The following OPCML variants were observed in gnomAD, a reference collection of about 807,000 sequenced individuals.
OPCML encodes the protein opioid binding protein/cell adhesion molecule like, also known as opioid-binding protein/cell adhesion molecule.
OPCML carries 13 observed loss-of-function variants against 37.8 expected under a neutral mutation model. The observed-to-expected ratio is 0.34, with a 90% CI of 0.22 to 0.55. OPCML has a LOEUF of 0.55. Among genes scored for constraint, OPCML ranks in the 20% least tolerant of loss-of-function variants. The probability of loss-of-function intolerance (pLI) is 0.91; values close to 1 mark genes in which losing one functional copy is unlikely to be tolerated. For missense variants in OPCML, 341 were observed against 435.6 expected (o/e 0.78, Z 1.93); for synonymous variants, 176 against 168.8 (o/e 1.04, Z -0.33).
chr11:133,341,134 C>T (rs969243527), intron 1 of OPCML, among the ~76,000 whole-genome samples: 1 of 152,184 alleles, frequency 6.6e-6, no homozygotes, highest in Non-Finnish European at 1.5e-5. Flanking sequence ...TCCATTCATT[C>T]CTGAATCCCC....
chr11:132,930,225 G>T (rs905915027), intron 2 of OPCML, among the ~76,000 whole-genome samples: 1 of 152,032 alleles, frequency 6.6e-6, no homozygotes, highest in South Asian at 2.1e-4. Context: ...TTAGCCTGAC[G>T]TGGTGGCCTG....
At chr11:133,358,411 T>C (rs1164223226) in intron 1 of OPCML, among the ~76,000 whole-genome samples, 3 of 152,190 alleles carry the variant, frequency 2.0e-5, no homozygotes, top group Non-Finnish European at 4.4e-5. Context: ...ACCCCAACTA[T>C]TGCCTTGACA....
chr11:133,328,732 A>G (rs1404328233), intron 1 of OPCML, among the ~76,000 whole-genome samples: 3 of 152,192 alleles, frequency 2.0e-5, no homozygotes, highest in Non-Finnish European at 4.4e-5. Context: ...TATCATACTG[A>G]ATGGGCAAAA....
intron 4 of OPCML, among the ~76,000 whole-genome samples, chr11:132,476,264 C>T (rs5021053): frequency 0.54 from 81,858 of 151,710 alleles, 22,809 homozygotes; most frequent in East Asian, 0.85. Flanking sequence ...AGTTCAACCA[C>T]TGTGGAAGTC....
intron 3 of OPCML, among the ~76,000 whole-genome samples, chr11:132,620,663 A>ACCCTAGAGAGAGTGTATG (rs1197741041): frequency 6.6e-6 from 1 of 152,162 alleles, no homozygotes; most frequent in East Asian, 1.9e-4. Context: ...CTACAAAGGG[A>ACCCTAGAGAGAGTGTATG]CCCTAGAGAG....
chr11:133,372,147 T>A (rs188356741), intron 1 of OPCML, among the ~76,000 whole-genome samples: 2 of 152,294 alleles, frequency 1.3e-5, no homozygotes, highest in Admixed American at 1.3e-4. Context: ...AACAATGCAT[T>A]GTATATTTCA....
chr11:133,095,358 G>A (rs1186409809), intron 1 of OPCML, among the ~76,000 whole-genome samples: 3 of 143,610 alleles, frequency 2.1e-5, no homozygotes, highest in East Asian at 2.1e-4. Context: ...AAGACCACGG[G>A]ACCTAAGAAA....
intron 2 of OPCML, among the ~76,000 whole-genome samples, chr11:132,729,851 G>A (rs1214812375): frequency 2.0e-5 from 3 of 152,048 alleles, no homozygotes; most frequent in African/African-American, 7.2e-5. Context: ...GGGATGAGCA[G>A]GATATTCTAC....
intron 2 of OPCML, among the ~76,000 whole-genome samples, chr11:132,793,909 G>C (rs1009231469): frequency 1.3e-5 from 2 of 152,152 alleles, no homozygotes; most frequent in African/African-American, 4.8e-5. Flanking sequence ...CATGGGTCTG[G>C]CTGCATCTCC....
chr11:132,840,590 C>T (rs1941244246), intron 2 of OPCML, among the ~76,000 whole-genome samples: 1 of 152,216 alleles, frequency 6.6e-6, no homozygotes, highest in East Asian at 1.9e-4. Context: ...AGTATTTTAA[C>T]ATCCCTAAAC....
intron 1 of OPCML, among the ~76,000 whole-genome samples, chr11:133,188,965 T>C (rs992954896): frequency 2.0e-5 from 3 of 152,164 alleles, no homozygotes; most frequent in African/African-American, 7.2e-5. Context: ...TTTTCAAAGA[T>C]ATCCCAGTAC....
At chr11:133,110,478 C>T (rs1237778723) in intron 1 of OPCML, among the ~76,000 whole-genome samples, 4 of 152,114 alleles carry the variant, frequency 2.6e-5, no homozygotes, top group East Asian at 1.9e-4. Context: ...GGCCCCCGTG[C>T]GTGATCCTAC....
chr11:133,357,873 C>T (rs537177132), intron 1 of OPCML, among the ~76,000 whole-genome samples: 2 of 152,282 alleles, frequency 1.3e-5, no homozygotes, highest in East Asian at 1.9e-4. Flanking sequence ...CCATCACAAT[C>T]GTAACTACAT....
intron 1 of OPCML, among the ~76,000 whole-genome samples, chr11:133,245,909 T>C (rs1410425527): frequency 1.3e-5 from 2 of 151,500 alleles, no homozygotes; most frequent in East Asian, 2.0e-4. Flanking sequence ...TAAGTGGGAG[T>C]TGAACAATGA....
chr11:132,679,760 A>G (rs778014810), intron 2 of OPCML, among the ~76,000 whole-genome samples: 7 of 152,214 alleles, frequency 4.6e-5, no homozygotes, highest in Non-Finnish European at 7.3e-5. Context: ...TGTAAATTAT[A>G]TCACAATAAA....
chr11:133,198,575 A>T (rs1938630273), intron 1 of OPCML, among the ~76,000 whole-genome samples: 1 of 152,228 alleles, frequency 6.6e-6, no homozygotes, highest in Non-Finnish European at 1.5e-5. Flanking sequence ...TTGTCAGGGG[A>T]GACAAGAGGG....
intron 2 of OPCML, among the ~76,000 whole-genome samples, chr11:132,940,709 CAGA>C (rs1203519526): frequency 6.6e-6 from 1 of 152,044 alleles, no homozygotes. Context: ...CAGAAATTTG[CAGA>C]AGATGTTTAT....
At chr11:132,734,198 T>C (rs1247609740) in intron 2 of OPCML, among the ~76,000 whole-genome samples, 1 of 152,194 alleles carries the variant, frequency 6.6e-6, no homozygotes, top group Non-Finnish European at 1.5e-5. Context: ...ATAAAGAATC[T>C]TTGTGATAGC....
intron 2 of OPCML, among the ~76,000 whole-genome samples, chr11:132,700,145 G>A (rs1433638039): frequency 6.6e-6 from 1 of 151,848 alleles, no homozygotes; most frequent in African/African-American, 2.4e-5. Context: ...TCTGTAAACT[G>A]TATTGTGTAC....
Sources: allele counts gnomAD v4.1 joint callset (sites outside exome capture counted in the v4.1 genomes callset), GRCh38; gene constraint gnomAD v4.1.1; transcripts MANE v1.5; gene names NCBI Gene and HGNC (gene_info 2026-07-23, HGNC 2026-07-21).